CPQ: variants seen among roughly 807,000 people sequenced by gnomAD.
The protein encoded by CPQ is Ser-Met dipeptidase.
A neutral mutation model predicts 45.7 loss-of-function variants in CPQ; 37 were observed. The observed-to-expected ratio is 0.81, with a 90% CI of 0.62 to 1.07. CPQ has a LOEUF of 1.07. CPQ is among the 50% of genes least tolerant of loss of function. The probability of loss-of-function intolerance (pLI) is 0.00; values close to 1 mark genes in which losing one functional copy is unlikely to be tolerated. For synonymous variants in CPQ, 186 were observed against 205.8 expected, an observed-to-expected ratio of 0.90 and a Z score of 0.82; for missense variants, 537 against 572.9, an observed-to-expected ratio of 0.94 and a Z score of 0.64.
chr8:96,740,176 A>G (rs1810064086), intron 1 of CPQ, among the ~76,000 whole-genome samples: 1 of 151,974 alleles, frequency 6.6e-6, no homozygotes. Flanking sequence ...GAGGTCCTTC[A>G]CATCCCTTGT....
chr8:97,023,586 A>G (rs1809747074), intron 5 of CPQ, among the ~76,000 whole-genome samples: 2 of 152,364 alleles, frequency 1.3e-5, no homozygotes, highest in East Asian at 3.9e-4. Context: ...TGCTTCACCA[A>G]TGATTAACAG....
chr8:96,797,914 T>G lies in CPQ; in HGVS notation c.433+12584T>G, dbSNP rs372800432. On this transcript the variant is annotated intron_variant, in intron 2 of 7. Coordinates refer to ENST00000220763, the MANE Select transcript of CPQ (RefSeq NM_016134.4). Reference sequence around the variant, plus strand: ...AAAATACAAAAAATTAGCCAGGCGTTGTGGCAGGTGCCTGTAGTCCCAGCT... The same window carrying G: ...AAAATACAAAAAATTAGCCAGGCGTGGTGGCAGGTGCCTGTAGTCCCAGCT... Among the ~76,000 whole-genome samples the G allele has an allele frequency of 2.3e-3, 345 of 151,894 alleles. 4 individuals are homozygous for G. The highest frequency in any genetic ancestry group is 8.1e-3 in the African/African-American group (337 of 41,442).
chr8:96,977,318 C>T (rs577724557), intron 5 of CPQ, among the ~76,000 whole-genome samples: 80 of 121,654 alleles, frequency 6.6e-4, no homozygotes, highest in Non-Finnish European at 2.8e-4. Flanking sequence ...CAAGAATATC[C>T]GTAATCAAAA....
At chr8:96,646,492 A>G (rs892591303) in intron 1 of CPQ, among the ~76,000 whole-genome samples, 2 of 152,188 alleles carry the variant, frequency 1.3e-5, no homozygotes, top group Admixed American at 1.3e-4. Context: ...TTCCTGAGAC[A>G]GGTGCTGGCT....
At position 96,737,256 on chromosome 8, in the gene CPQ, A is replaced by ACAC. The variant is rs1253395030; in HGVS notation, c.-34-47608_-34-47607insCAC. On this transcript the variant is annotated intron_variant, in intron 1 of 7. Coordinates refer to ENST00000220763, the MANE Select transcript of CPQ (RefSeq NM_016134.4). The stretch of plus-strand genomic sequence containing the variant: ...ACACACACACACACACACACACACA[A>ACAC]AAAAAAACTAATAGGATATATATAT... Among the ~76,000 whole-genome samples the ACAC allele has an allele frequency of 2.0e-3, 292 of 147,064 alleles. 2 individuals are homozygous for ACAC. Among genetic ancestry groups the ACAC allele is most frequent in the African/African-American group, 7.1e-3 (281 of 39,500 alleles).
chr8:96,842,733 G>C (rs1192661575), intron 3 of CPQ, among the ~76,000 whole-genome samples: 5 of 152,146 alleles, frequency 3.3e-5, no homozygotes, highest in Admixed American at 2.6e-4. Context: ...ATAATGGATA[G>C]AGCCAGGCAA....
chr8:96,784,819 G>C (rs1810739236), intron 1 of CPQ, 45 bp from the exon 2 acceptor site: 2 of 1,397,646 alleles, frequency 1.4e-6, no homozygotes, highest in African/African-American at 1.4e-5. Flanking sequence ...GCAGATAGCT[G>C]TGAGATTCTT....
chr8:96,717,079 GTA>G (rs1323976278), intron 1 of CPQ, among the ~76,000 whole-genome samples: 60 of 37,120 alleles, frequency 1.6e-3, no homozygotes, highest in African/African-American at 7.2e-3. Context: ...ATATATATAC[GTA>G]TATATACACA....
At chr8:97,003,165 T>C (rs887338771) in intron 5 of CPQ, among the ~76,000 whole-genome samples, 5 of 152,174 alleles carry the variant, frequency 3.3e-5, no homozygotes, top group African/African-American at 9.6e-5. Flanking sequence ...GCATGTGACA[T>C]TGGTCTCTTA....
intron 7 of CPQ, among the ~76,000 whole-genome samples, chr8:97,086,929 A>G (rs941546284): frequency 4.6e-5 from 7 of 152,156 alleles, no homozygotes; most frequent in Non-Finnish European, 1.0e-4. Context: ...TCCTACACAA[A>G]AGAAAAGAAA....
At chr8:97,071,635 G>A (rs1015777555) in intron 7 of CPQ, among the ~76,000 whole-genome samples, 1 of 152,150 alleles carries the variant, frequency 6.6e-6, no homozygotes, top group Non-Finnish European at 1.5e-5. Context: ...ATCCCAACCT[G>A]TGTTTTTAAT....
At chr8:96,759,922 C>T (rs772183076) in intron 1 of CPQ, among the ~76,000 whole-genome samples, 2 of 152,056 alleles carry the variant, frequency 1.3e-5, no homozygotes, top group Non-Finnish European at 2.9e-5. Context: ...GTTATTATTC[C>T]CCCCGTTACA....
intron 1 of CPQ, among the ~76,000 whole-genome samples, chr8:96,752,121 T>G (rs1810269967): frequency 6.6e-6 from 1 of 152,220 alleles, no homozygotes; most frequent in Non-Finnish European, 1.5e-5. Flanking sequence ...CTATTCAGCC[T>G]CTTTGTTCCA....
chr8:96,935,516 A>G (rs1813033937), intron 4 of CPQ, among the ~76,000 whole-genome samples: 1 of 152,152 alleles, frequency 6.6e-6, no homozygotes, highest in African/African-American at 2.4e-5. Flanking sequence ...TCTGTTTCCA[A>G]AAGAGAGGGA....
At chr8:96,696,538 A>G (rs1404207167) in intron 1 of CPQ, among the ~76,000 whole-genome samples, 3 of 152,124 alleles carry the variant, frequency 2.0e-5, no homozygotes, top group African/African-American at 4.8e-5. Context: ...GCAGAAATAA[A>G]TAAAATTAAA....
intron 2 of CPQ, among the ~76,000 whole-genome samples, chr8:96,808,276 T>A (rs932579390): frequency 1.3e-5 from 2 of 151,938 alleles, no homozygotes; most frequent in African/African-American, 2.4e-5. Context: ...GAAAGAAAAA[T>A]AAAATTCATG....
At chr8:96,685,142 A>G (rs1010347159) in intron 1 of CPQ, among the ~76,000 whole-genome samples, 2 of 150,532 alleles carry the variant, frequency 1.3e-5, no homozygotes, top group African/African-American at 2.4e-5. Context: ...AAAACAAAAA[A>G]CAGAGTTAGC....
chr8:96,814,802 G>A (rs766052387), intron 2 of CPQ, among the ~76,000 whole-genome samples: 14 of 152,084 alleles, frequency 9.2e-5, no homozygotes, highest in Non-Finnish European at 1.9e-4. Context: ...AAGTGGTATA[G>A]CCATACAACA....
chr8:96,873,317 CT>C lies in CPQ; in HGVS notation c.642-6471del, dbSNP rs534200003. Among the ~76,000 whole-genome samples the C allele has an allele frequency of 2.3e-3, 341 of 147,934 alleles. 2 individuals carry two copies. Among genetic ancestry groups the C allele is most frequent in the African/African-American group, 7.1e-3 (286 of 40,550 alleles). ...TCTTGAGCAGATTTCTTTTCCTTCTCTTTTTTTTTTAAACCTGTGGGAGTTG... is the reference window on the plus strand; with the variant it reads ...TCTTGAGCAGATTTCTTTTCCTTCTCTTTTTTTTTAAACCTGTGGGAGTTG... On this transcript the variant is annotated intron_variant, in intron 3 of 7. Transcript: ENST00000220763.
Sources: gnomAD v4.1 joint callset for allele counts (sites outside exome capture counted in the v4.1 genomes callset) on GRCh38, gnomAD v4.1.1 for gene constraint, MANE v1.5 for transcripts, NCBI Gene and HGNC (gene_info 2026-07-23, HGNC 2026-07-21) for gene names.